Variants in ZNF766 observed in about 807,000 individuals in gnomAD.
ZNF766 encodes the protein zinc finger protein 766.
Under a neutral mutation model 13.2 loss-of-function variants are expected in ZNF766, and 13 were observed. That is an observed-to-expected ratio of 0.98 (90% CI 0.64 to 1.56). The LOEUF is 1.56. Ranked by LOEUF, ZNF766 falls within the 40% of genes most tolerant of loss-of-function variation. The pLI is 0.00. For synonymous variants in ZNF766, 178 were observed against 187.6 expected (o/e 0.95, Z 0.42); for missense variants, 521 against 552.2 (o/e 0.94, Z 0.57).
chr19:52,277,161 T>C (rs1981244516), intron 1 of ZNF766: 6 of 1,118,016 alleles, frequency 5.4e-6, no homozygotes, highest in Non-Finnish European at 6.6e-6. Flanking sequence ...CAGGATTGAC[T>C]TCTAAAGAGT....
rs1981646614 is a variant in ZNF766, at chr19:52,283,479, C to CCCCA, written c.274+68_274+71dup. 5.4e-6 allele frequency: 8 copies of CCCCA among 1,478,050 alleles called. 1 individual carries two copies. The Admixed American group carries it at 1.6e-4, about 30-fold the overall frequency. The allele number at this position is 1,478,050 out of a possible 1,614,324, so 91.6% of individuals were successfully genotyped here. A position where few individuals can be genotyped will look rare whatever the true frequency, so the allele number is the denominator to read the frequency against. On this transcript the variant is annotated intron_variant, in intron 3 of 3. Coordinates refer to ENST00000439461, the MANE Select transcript of ZNF766 (RefSeq NM_001010851.3). ...TTTTTTTTTTGAGACAGTCTCTGTT[C>CCCCA]CCCACACTGGAGTGCATTGGCCATC...
chr19:52,282,070 T>C, intron 1 of ZNF766, 41 bp from the exon 2 acceptor site: 1 of 1,578,274 alleles, frequency 6.3e-7, no homozygotes. Context: ...ACATAATTAC[T>C]CTCTCCTTAC....
chr19:52,271,637 C>A (rs529861307), intron 1 of ZNF766, among the ~76,000 whole-genome samples: 1 of 152,118 alleles, frequency 6.6e-6, no homozygotes, highest in Non-Finnish European at 1.5e-5. Context: ...TTAGTGCACC[C>A]ACATGGAGGT....
intron 2 of ZNF766, 109 bp downstream of exon 2, chr19:52,282,346 G>C (rs1023458916): frequency 7.3e-7 from 1 of 1,370,300 alleles, no homozygotes; most frequent in Non-Finnish European, 9.7e-7. Context: ...TTGAAACCCT[G>C]TTGACTTGGC....
intron 1 of ZNF766, among the ~76,000 whole-genome samples, chr19:52,272,003 C>T (rs999558321): frequency 1.6e-5 from 2 of 121,248 alleles, no homozygotes; most frequent in African/African-American, 6.0e-5. Context: ...AAAAAAAAAG[C>T]ACAGATGAAG....
At chr19:52,271,700 C>T (rs1980982311) in intron 1 of ZNF766, among the ~76,000 whole-genome samples, 2 of 152,240 alleles carry the variant, frequency 1.3e-5, no homozygotes, top group Non-Finnish European at 2.9e-5. Context: ...TGGCTCACGC[C>T]TGTAATCCCA....
rs1455953383 is a variant in ZNF766, at chr19:52,293,448, T to G, written c.*2250T>G. On this transcript the variant is annotated 3_prime_UTR_variant, in exon 4 of 4. Transcript: ENST00000439461. ...CCTCGGGTTCCCGAAGTGCTAAGAT[T>G]ACAGGCATGAGCCACGGCGCCTGGC... 1 of 152,058 alleles carries G rather than the reference T, an allele frequency of 6.6e-6. No individual in the cohort carries two copies. Among genetic ancestry groups the G allele is most frequent in the Non-Finnish European group, 1.5e-5 (1 of 68,040 alleles). The allele number at this position is 152,058 out of a possible 1,614,324, so 9.4% of individuals were successfully genotyped here.
At chr19:52,274,169 C>G (rs533119367) in intron 1 of ZNF766, among the ~76,000 whole-genome samples, 36 of 152,242 alleles carry the variant, frequency 2.4e-4, no homozygotes, top group African/African-American at 8.7e-4. Context: ...CTGTATGTCC[C>G]CCTGTATAGT....
At chr19:52,269,701 G>C (rs1250698298) in intron 1 of ZNF766, 70 bp downstream of exon 1, 1 of 1,590,550 alleles carries the variant, frequency 6.3e-7, no homozygotes, top group South Asian at 1.1e-5. Context: ...CCGGGATGTG[G>C]GGGGCGGTAC....
chr19:52,286,184 CT>C (rs1489569561), intron 3 of ZNF766, among the ~76,000 whole-genome samples: 1 of 123,088 alleles, frequency 8.1e-6, no homozygotes, highest in African/African-American at 3.4e-5. Flanking sequence ...TCCAAGTGGG[CT>C]TTTCCCCCCT....
chr19:52,280,056 A>G (rs1054496412), intron 1 of ZNF766, among the ~76,000 whole-genome samples: 1 of 152,106 alleles, frequency 6.6e-6, no homozygotes, highest in African/African-American at 2.4e-5. Context: ...TCAGCCTCCC[A>G]AAGTGTTGGG....
At chr19:52,279,526 G>T (rs1478129903) in intron 1 of ZNF766, among the ~76,000 whole-genome samples, 1 of 151,918 alleles carries the variant, frequency 6.6e-6, no homozygotes, top group Non-Finnish European at 1.5e-5. Flanking sequence ...TGTCTTCTCT[G>T]ATTTCTTTGA....
At chr19:52,289,975 T>A in intron 3 of ZNF766, 91 bp from the exon 4 acceptor site, 1 of 1,371,636 alleles carries the variant, frequency 7.3e-7, no homozygotes, top group South Asian at 1.4e-5. Flanking sequence ...CACTCCAGCC[T>A]GGGTGGCAAA....
At chr19:52,274,901 T>C (rs538723571) in intron 1 of ZNF766, among the ~76,000 whole-genome samples, 8 of 152,248 alleles carry the variant, frequency 5.3e-5, no homozygotes, top group African/African-American at 7.2e-5. Context: ...GTTAAAGATA[T>C]AGCAGAAGCT....
At chr19:52,283,070 C>T (rs1981613897) in intron 2 of ZNF766, among the ~76,000 whole-genome samples, 1 of 152,150 alleles carries the variant, frequency 6.6e-6, no homozygotes, top group African/African-American at 2.4e-5. Context: ...CACTGTCTTC[C>T]ACATGGTTGA....
chr19:52,274,748 C>T (rs1981118474), intron 1 of ZNF766: 1 of 152,272 alleles, frequency 6.6e-6, no homozygotes, highest in African/African-American at 2.4e-5. Flanking sequence ...TCACTTGAAC[C>T]CAGGAGGTGG....
chr19:52,282,033 TTA>T (rs1491253500), intron 1 of ZNF766, 76 bp from the exon 2 acceptor site: 1 of 1,543,388 alleles, frequency 6.5e-7, no homozygotes, highest in African/African-American at 1.4e-5. Flanking sequence ...GAGTCAGTCC[TTA>T]CAACCCTCTT....
chr19:52,289,888 C>A (rs1027692051), intron 3 of ZNF766, among the ~76,000 whole-genome samples, 178 bp from the exon 4 acceptor site: 1 of 152,170 alleles, frequency 6.6e-6, no homozygotes, highest in Non-Finnish European at 1.5e-5. Flanking sequence ...GTAGTCCCAG[C>A]TACTTGGGAG....
chr19:52,278,508 A>G (rs1038680450), intron 1 of ZNF766, among the ~76,000 whole-genome samples: 10 of 151,876 alleles, frequency 6.6e-5, no homozygotes, highest in South Asian at 4.2e-4. Context: ...GGTTCAAGCA[A>G]TTCTCCTGCC....
Sources: gnomAD v4.1 joint callset for allele counts (sites outside exome capture counted in the v4.1 genomes callset) on GRCh38, gnomAD v4.1.1 for gene constraint, MANE v1.5 for transcripts, NCBI Gene and HGNC (gene_info 2026-07-23, HGNC 2026-07-21) for gene names.